Variants in PAFAH2 observed in about 807,000 individuals in gnomAD.
PAFAH2 encodes the protein platelet activating factor acetylhydrolase 2, also known as platelet-activating factor acetylhydrolase 2, cytoplasmic.
Under a neutral mutation model 49.0 loss-of-function variants are expected in PAFAH2, and 42 were observed. The ratio of observed to expected loss-of-function variants is 0.86; its 90% CI spans 0.67 to 1.11. The LOEUF is 1.11. PAFAH2 is among the 50% of genes least tolerant of loss of function. The pLI is 0.00. For synonymous variants in PAFAH2, 184 were observed against 181.3 expected (o/e 1.01, Z -0.12); for missense variants, 503 against 501.8 (o/e 1.00, Z -0.02).
chr1:25,975,729 T>C (rs1044887499), intron 8 of PAFAH2, among the ~76,000 whole-genome samples: 3 of 152,236 alleles, frequency 2.0e-5, no homozygotes, highest in African/African-American at 7.2e-5. Flanking sequence ...ATCTTTCACA[T>C]TGACTCTGAA....
intron 1 of PAFAH2, 118 bp from the exon 2 acceptor site, chr1:25,990,981 T>A: frequency 3.4e-6 from 2 of 584,626 alleles, no homozygotes; most frequent in East Asian, 5.8e-5. Flanking sequence ...CTCCCTGCCG[T>A]CGCTCATTAA....
At chr1:25,962,145 T>C (rs1032970930) in intron 10 of PAFAH2, 62 bp from the exon 11 acceptor site, 5 of 1,347,882 alleles carry the variant, frequency 3.7e-6, no homozygotes, top group Non-Finnish European at 5.3e-6. Flanking sequence ...AAAGAGTAGC[T>C]GACATGCATT....
intron 1 of PAFAH2, among the ~76,000 whole-genome samples, chr1:25,992,661 A>G (rs1327209119): frequency 6.6e-6 from 1 of 152,236 alleles, no homozygotes; most frequent in Admixed American, 6.5e-5. Flanking sequence ...AATTTACCCA[A>G]TAACATATGG....
At chr1:25,991,313 G>A (rs953365822) in intron 1 of PAFAH2, among the ~76,000 whole-genome samples, 2 of 151,650 alleles carry the variant, frequency 1.3e-5, no homozygotes, top group Non-Finnish European at 2.9e-5. Flanking sequence ...ACGGAGTCTC[G>A]CTCTGTTGCT....
At chr1:25,982,615 C>A in intron 6 of PAFAH2, 138 bp from the exon 7 acceptor site, 1 of 632,682 alleles carries the variant, frequency 1.6e-6, no homozygotes, top group Non-Finnish European at 2.8e-6. Flanking sequence ...GGTGCCATGT[C>A]CTGAGAAGGC....
chr1:25,963,803 G>T (rs10902712), intron 10 of PAFAH2, among the ~76,000 whole-genome samples: 1 of 152,116 alleles, frequency 6.6e-6, no homozygotes, highest in Non-Finnish European at 1.5e-5. Context: ...GCCTGGCCAG[G>T]CCAATGTTTT....
rs959293803 is a variant in PAFAH2 at position 25,990,473 on chromosome 1, C to G, written c.90+254G>C. Among the ~76,000 whole-genome samples the G allele has an allele frequency of 2.0e-5, 3 of 152,126 alleles. No individual in the cohort carries two copies. The East Asian group carries it at 5.8e-4, about 29-fold the overall frequency. On this transcript the variant is annotated intron_variant, in intron 2 of 10. Transcript: ENST00000374282. Reference sequence around the variant, plus strand: ...AAAGGTGAGAGGATCTGCGAGCTGCCTCTAAAGCTAGAGTCCCCCCTTTCC... The same window carrying G: ...AAAGGTGAGAGGATCTGCGAGCTGCGTCTAAAGCTAGAGTCCCCCCTTTCC...
chr1:25,991,633 C>T (rs2049877603), intron 1 of PAFAH2, among the ~76,000 whole-genome samples: 1 of 149,526 alleles, frequency 6.7e-6, no homozygotes, highest in Non-Finnish European at 1.5e-5. Context: ...TGGCTCACGC[C>T]TGTAATCCAA....
rs780459637 is a variant in PAFAH2 at position 25,988,303 on chromosome 1, C to T, written c.269G>A (p.Trp90Ter). Reference protein sequence around the residue: ...AVGSCRLPVSWNGPFKTKDSG... With the variant: ...AVGSCRLPVS ...GTCCTTTGTCTTAAAGGGGCCATTC[C>T]AGCTAACAGGCAGGCGACAAGATCC... is the stretch of plus-strand genomic sequence containing the variant. Residue 90 changes from tryptophan to a stop codon, truncating the protein, a stop_gained, in exon 4 of 11, where the codon TGG (tryptophan) becomes TAG (stop). Transcript: ENST00000374282. LOFTEE classifies it high-confidence loss of function. 1 of 1,611,128 alleles carries T rather than the reference C, an allele frequency of 6.2e-7. No homozygotes were observed. The highest frequency in any genetic ancestry group is 1.1e-5 in the South Asian group (1 of 90,548).
intron 1 of PAFAH2, among the ~76,000 whole-genome samples, chr1:25,994,423 T>C (rs10794521): frequency 0.52 from 79,570 of 152,052 alleles, 24,572 homozygotes; most frequent in East Asian, 0.7. Flanking sequence ...TGAGCCACCG[T>C]GCCAGCCCTG....
chr1:25,989,737 C>A, intron 2 of PAFAH2, 136 bp from the exon 3 acceptor site: 2 of 576,648 alleles, frequency 3.5e-6, no homozygotes, highest in Non-Finnish European at 5.5e-6. Context: ...AATTAGCATG[C>A]CTGAATTTCA....
chr1:25,971,114 G>C (rs1452048391), intron 10 of PAFAH2, among the ~76,000 whole-genome samples: 1 of 152,072 alleles, frequency 6.6e-6, no homozygotes, highest in Admixed American at 6.6e-5. Flanking sequence ...GGTTAACCTG[G>C]GCAAGTAGAG....
chr1:25,979,339 A>C (rs1347772119), intron 7 of PAFAH2, among the ~76,000 whole-genome samples: 1 of 142,694 alleles, frequency 7.0e-6, no homozygotes, highest in Non-Finnish European at 1.5e-5. Context: ...TTTTTTTGAG[A>C]TAGTCTTGCT....
Position 25,988,216 on chromosome 1 carries a change from G to A in PAFAH2, c.341+15C>T, listed in dbSNP as rs768819394. 12 of 1,552,390 alleles carry A rather than the reference G, an allele frequency of 7.7e-6. No homozygotes were observed. The South Asian group carries it at 8.1e-5, about 10-fold the overall frequency. On this transcript the variant is annotated intron_variant, in intron 4 of 10. Transcript: ENST00000374282. Reference sequence around the variant, plus strand: ...GCAAGGAGTATGGCAAGGTCTGGGGGAAAGAAGCTCTTACCTGAAGGCTCC... The same window carrying A: ...GCAAGGAGTATGGCAAGGTCTGGGGAAAAGAAGCTCTTACCTGAAGGCTCC...
intron 7 of PAFAH2, among the ~76,000 whole-genome samples, chr1:25,980,329 GTT>G (rs566266219): frequency 6.8e-6 from 1 of 146,532 alleles, no homozygotes. Flanking sequence ...AAATATATAA[GTT>G]TTTTTTTTTT....
At chr1:25,975,000 A>G (rs182319469) in intron 8 of PAFAH2, among the ~76,000 whole-genome samples, 9 of 152,296 alleles carry the variant, frequency 5.9e-5, no homozygotes, top group Admixed American at 5.9e-4. Context: ...CTTTGGATAT[A>G]GACATAAATG....
Position 25,962,015 on chromosome 1 carries a change from C to T in PAFAH2, c.1153G>A (p.Ala385Thr), listed in dbSNP as rs1572334474. ...TACAGGCTGGACAGATGGTGGGGGG[C>T]CCCTGGGGTGAGCGACGGTCCAATG... ...EGIGPSLTPG[A>T]PHHLSSL The change falls in exon 11 of 11, where the codon GCC (alanine) becomes ACC (threonine). Residue 385 changes from alanine (A) to threonine (T), a missense_variant. Coordinates refer to ENST00000374282, the MANE Select transcript of PAFAH2 (RefSeq NM_000437.4). The T allele has an allele frequency of 2.5e-6, 4 of 1,613,340 alleles. No individual in the cohort carries two copies. The highest frequency in any genetic ancestry group is 1.1e-5 in the South Asian group (1 of 91,042).
chr1:25,993,490 C>T (rs1298257210), intron 1 of PAFAH2, among the ~76,000 whole-genome samples: 1 of 152,194 alleles, frequency 6.6e-6, no homozygotes, highest in African/African-American at 2.4e-5. Context: ...CACACAGTCT[C>T]CTGGTTGTCA....
chr1:25,975,807 A>T (rs1373776283), intron 8 of PAFAH2, among the ~76,000 whole-genome samples: 1 of 152,214 alleles, frequency 6.6e-6, no homozygotes, highest in African/African-American at 2.4e-5. Flanking sequence ...TTCACATAGT[A>T]GCCAGAAGGA....
Sources: gnomAD v4.1 joint callset for allele counts (sites outside exome capture counted in the v4.1 genomes callset) on GRCh38, gnomAD v4.1.1 for gene constraint, MANE v1.5 for transcripts, NCBI Gene and HGNC (gene_info 2026-07-23, HGNC 2026-07-21) for gene names.